Variants in TNKS observed in about 807,000 individuals in gnomAD.
TNKS encodes the protein tankyrase.
TNKS carries 72 observed loss-of-function variants against 135.8 expected under a neutral mutation model. That is an observed-to-expected ratio of 0.53 (90% CI 0.44 to 0.64). The LOEUF is 0.64. Ranked by LOEUF, TNKS falls within the 30% of genes least tolerant of loss-of-function variation. The probability of loss-of-function intolerance (pLI) is 0.00; values close to 1 mark genes in which losing one functional copy is unlikely to be tolerated. For missense variants in TNKS, 1,769 were observed against 1,674.0 expected, an observed-to-expected ratio of 1.06 and a Z score of -0.99; for synonymous variants, 849 against 649.3, an observed-to-expected ratio of 1.31 and a Z score of -4.68.
intron 3 of TNKS, among the ~76,000 whole-genome samples, chr8:9,661,513 G>A (rs1221612178): frequency 6.6e-6 from 1 of 152,002 alleles, no homozygotes. Context: ...AATGGTGCTG[G>A]GAAAACTGGC....
At chr8:9,584,793 C>G (rs1037896406) in intron 2 of TNKS, among the ~76,000 whole-genome samples, 1 of 152,182 alleles carries the variant, frequency 6.6e-6, no homozygotes, top group African/African-American at 2.4e-5. Flanking sequence ...GTGAAGGAGA[C>G]AGAGTATGTT....
At chr8:9,744,898 A>T (rs1412216562) in intron 17 of TNKS, among the ~76,000 whole-genome samples, 1 of 152,222 alleles carries the variant, frequency 6.6e-6, no homozygotes, top group Non-Finnish European at 1.5e-5. Flanking sequence ...ACTTCAATAT[A>T]AAGAAAGCTT....
chr8:9,701,156 C>T (rs1170699977), intron 5 of TNKS, among the ~76,000 whole-genome samples: 2 of 152,098 alleles, frequency 1.3e-5, no homozygotes, highest in Non-Finnish European at 2.9e-5. Context: ...CCAGGATGGT[C>T]TCGATCTCCT....
chr8:9,717,072 A>AATATATATATATATATATATATAT lies in TNKS; in HGVS notation c.1750-3295_1750-3272dup, dbSNP rs368231440. ...CACCAAAGATAATCTGTTGTATTAT[A>AATATATATATATATATATATATAT]ATATATATATATATATATATATATA... On this transcript the variant is annotated intron_variant, in intron 11 of 26. Coordinates refer to ENST00000310430, the MANE Select transcript of TNKS (RefSeq NM_003747.3). Among the ~76,000 whole-genome samples, 49 of 79,434 alleles carry AATATATATATATATATATATATAT rather than the reference A, an allele frequency of 6.2e-4. 2 individuals carry two copies. Among genetic ancestry groups the AATATATATATATATATATATATAT allele is most frequent in the African/African-American group, 1.9e-3 (41 of 21,754 alleles). 52.1% of individuals were successfully genotyped at this position (79,434 alleles called of 152,430 possible).
intron 3 of TNKS, among the ~76,000 whole-genome samples, chr8:9,623,121 G>C (rs1003916577): frequency 6.6e-6 from 1 of 152,108 alleles, no homozygotes; most frequent in Admixed American, 6.5e-5. Flanking sequence ...TGGTTGACCG[G>C]GGGTAACTGA....
intron 3 of TNKS, among the ~76,000 whole-genome samples, chr8:9,616,605 A>G (rs532139541): frequency 4.1e-4 from 63 of 152,306 alleles, no homozygotes; most frequent in African/African-American, 1.4e-3. Context: ...TACTGAGGCG[A>G]AGGGAAAACG....
At chr8:9,629,929 G>C (rs904880384) in intron 3 of TNKS, among the ~76,000 whole-genome samples, 1 of 152,162 alleles carries the variant, frequency 6.6e-6, no homozygotes, top group South Asian at 2.1e-4. Context: ...TGATCCGCCC[G>C]CCTCGGCCTC....
In TNKS at chr8:9,622,773, C is replaced by T. The variant is rs115890681; in HGVS notation, c.994+7096C>T. Among the ~76,000 whole-genome samples the T allele has an allele frequency of 5.0e-3, 765 of 152,236 alleles. 7 individuals are homozygous for T. The highest frequency in any genetic ancestry group is 0.018 in the African/African-American group (730 of 41,526). On this transcript the variant is annotated intron_variant, in intron 3 of 26. Transcript: ENST00000310430. ...TAATATTGCCAGTAAGACTCATCAT[C>T]ATATTATTATAATAAAATGGATTAA... is the stretch of plus-strand genomic sequence containing the variant.
chr8:9,744,414 A>C (rs888601796), intron 17 of TNKS, among the ~76,000 whole-genome samples: 6 of 152,210 alleles, frequency 3.9e-5, no homozygotes, highest in African/African-American at 1.4e-4. Flanking sequence ...TTCATGACAT[A>C]ATTGTAATAA....
chr8:9,776,293 T>C (rs1395760949), intron 26 of TNKS, among the ~76,000 whole-genome samples: 1 of 152,190 alleles, frequency 6.6e-6, no homozygotes, highest in Non-Finnish European at 1.5e-5. Context: ...TAGCAAACTT[T>C]TATTGAACAC....
intron 3 of TNKS, among the ~76,000 whole-genome samples, chr8:9,667,643 G>A (rs1328802839): frequency 2.0e-5 from 3 of 152,180 alleles, no homozygotes; most frequent in South Asian, 2.1e-4. Flanking sequence ...TTTACAAAAC[G>A]TCTCAGAAAG....
intron 1 of TNKS, chr8:9,557,810 A>G (rs1007318177): frequency 6.6e-6 from 1 of 152,182 alleles, no homozygotes; most frequent in Non-Finnish European, 1.5e-5. Flanking sequence ...ATGATTAACC[A>G]TTTTACAGAT....
chr8:9,708,419 T>C lies in TNKS; in HGVS notation c.1505T>C (p.Leu502Ser), dbSNP rs1804157549. 6.2e-7 allele frequency: 1 copy of C among 1,610,180 alleles called. No homozygotes were observed. Among genetic ancestry groups the C allele is most frequent in the Admixed American group, 1.7e-5 (1 of 59,776 alleles). ...CTACAAGCAGCCAGAGAAGCAGACT[T>C]AGCTAAAGTTAAAAAAACACTCGCT... ...SLLQAAREAD[L>S]AKVKKTLALE... Residue 502 changes from leucine to serine, a missense_variant, in exon 9 of 27, where the codon TTA (leucine) becomes TCA (serine). Physicochemically the swap from Leu to Ser is moderately radical, Grantham distance 145 (BLOSUM62 -2). Coordinates refer to ENST00000310430, the MANE Select transcript of TNKS (RefSeq NM_003747.3).
intron 2 of TNKS, among the ~76,000 whole-genome samples, chr8:9,610,836 A>G (rs1188004088): frequency 1.3e-5 from 2 of 152,344 alleles, no homozygotes; most frequent in South Asian, 2.1e-4. Flanking sequence ...GCCTGCAGTT[A>G]AACACAATTT....
chr8:9,719,581 C>CTTATT (rs1174307819), intron 11 of TNKS, among the ~76,000 whole-genome samples: 1 of 152,096 alleles, frequency 6.6e-6, no homozygotes, highest in Non-Finnish European at 1.5e-5. Context: ...GATGAGGAGA[C>CTTATT]TTATCTACAC....
chr8:9,687,079 C>G (rs1171110590), intron 5 of TNKS, among the ~76,000 whole-genome samples: 4 of 152,254 alleles, frequency 2.6e-5, no homozygotes, highest in South Asian at 2.1e-4. Flanking sequence ...CCCTTTTCCC[C>G]TTTAAGAAAG....
chr8:9,658,483 T>C, intron 3 of TNKS: 1 of 627,764 alleles, frequency 1.6e-6, no homozygotes, highest in Admixed American at 3.9e-5. Flanking sequence ...CCAGCCAAAC[T>C]AAGCTTCATA....
At chr8:9,616,480 G>C (rs1293014444) in intron 3 of TNKS, among the ~76,000 whole-genome samples, 1 of 152,134 alleles carries the variant, frequency 6.6e-6, no homozygotes, top group African/African-American at 2.4e-5. Flanking sequence ...ATTGTTTTAG[G>C]TTATGTGAAA....
At chr8:9,628,633 A>G (rs997777984) in intron 3 of TNKS, among the ~76,000 whole-genome samples, 4 of 151,780 alleles carry the variant, frequency 2.6e-5, no homozygotes, top group African/African-American at 4.8e-5. Flanking sequence ...ACTCCTCCCC[A>G]TCTAACTTTG....
Sources: allele counts gnomAD v4.1 joint callset (sites outside exome capture counted in the v4.1 genomes callset), GRCh38; gene constraint gnomAD v4.1.1; transcripts MANE v1.5; gene names NCBI Gene and HGNC (gene_info 2026-07-23, HGNC 2026-07-21).